NR3C2: variants seen among roughly 807,000 people sequenced by gnomAD.
NR3C2 encodes the protein mineralocorticoid receptor.
NR3C2 carries 15 observed loss-of-function variants against 86.4 expected under a neutral mutation model. The observed-to-expected ratio is 0.17, with a 90% CI of 0.12 to 0.27. The LOEUF is 0.27. Ranked by LOEUF, NR3C2 falls within the 10% of genes least tolerant of loss-of-function variation. The pLI, the probability that NR3C2 is intolerant of heterozygous loss-of-function variation, is 1.00. For synonymous variants in NR3C2, 458 were observed against 450.5 expected (o/e 1.02, Z -0.21); for missense variants, 960 against 1,195.6 (o/e 0.80, Z 2.91).
intron 2 of NR3C2, among the ~76,000 whole-genome samples, chr4:148,323,120 C>G (rs900589527): frequency 6.0e-5 from 9 of 149,448 alleles, no homozygotes; most frequent in African/African-American, 2.0e-4. Flanking sequence ...AGCTGCAGGT[C>G]TGTTGGAATA....
intron 1 of NR3C2, among the ~76,000 whole-genome samples, chr4:148,441,035 C>T (rs1750312811): frequency 6.6e-6 from 1 of 152,192 alleles, no homozygotes; most frequent in African/African-American, 2.4e-5. Flanking sequence ...TTCCCCACTA[C>T]ATAACTATTA....
chr4:148,379,005 T>A (rs1579227249), intron 2 of NR3C2, among the ~76,000 whole-genome samples: 1 of 152,138 alleles, frequency 6.6e-6, no homozygotes, highest in South Asian at 2.1e-4. Context: ...CAGCAAAAAC[T>A]TCAAAAGAAG....
intron 2 of NR3C2, among the ~76,000 whole-genome samples, chr4:148,410,548 C>T (rs762353566): frequency 8.5e-5 from 13 of 152,120 alleles, no homozygotes; most frequent in Non-Finnish European, 1.8e-4. Flanking sequence ...AGTTTAACTG[C>T]AGAAGCTTAA....
chr4:148,275,382 C>T (rs1348917914), intron 2 of NR3C2, among the ~76,000 whole-genome samples: 1 of 151,260 alleles, frequency 6.6e-6, no homozygotes, highest in East Asian at 1.9e-4. Flanking sequence ...GCAAAGAAGA[C>T]ATTATGAGGA....
intron 3 of NR3C2, among the ~76,000 whole-genome samples, chr4:148,203,660 C>G (rs1337151092): frequency 7.3e-6 from 1 of 136,826 alleles, no homozygotes; most frequent in South Asian, 2.8e-4. Flanking sequence ...CCTCCCCCCG[C>G]CCCGCCCCCG....
chr4:148,262,925 A>C lies in NR3C2; in HGVS notation c.1758-2808T>G, dbSNP rs573282785. 8.5e-5 allele frequency among the ~76,000 whole-genome samples: 13 copies of C among 152,128 alleles called. No homozygotes were observed. The South Asian group carries it at 1.0e-3, about 12-fold the overall frequency. ...CATATTCAGATTCTGATCAATCTCC[A>C]AACACTCCTCCAGCACCATCTACTT... On this transcript the variant is annotated intron_variant, in intron 2 of 8. Transcript: ENST00000358102.
At chr4:148,109,059 C>G (rs988641660) in intron 8 of NR3C2, among the ~76,000 whole-genome samples, 1 of 152,192 alleles carries the variant, frequency 6.6e-6, no homozygotes, top group Non-Finnish European at 1.5e-5. Context: ...CCGGAGCACT[C>G]AGCAGTGAGT....
rs1469375367 is a variant in NR3C2 at position 148,080,543 on chromosome 4, A to G, written c.*801T>C. Reference sequence around the variant, plus strand: ...TCAAAAATACTTTCCCATTCATCCTATTAACCATTAAAGATTTTTTTTGTA... The same window carrying G: ...TCAAAAATACTTTCCCATTCATCCTGTTAACCATTAAAGATTTTTTTTGTA... On this transcript the variant is annotated 3_prime_UTR_variant, in exon 9 of 9. Coordinates refer to ENST00000358102, the MANE Select transcript of NR3C2 (RefSeq NM_000901.5). 1 of 157,558 alleles carries G rather than the reference A, an allele frequency of 6.3e-6. No individual in the cohort carries two copies. The highest frequency in any genetic ancestry group is 2.4e-5 in the African/African-American group (1 of 41,620). The allele number at this position is 157,558 out of a possible 1,614,324, so 9.8% of individuals were successfully genotyped here.
intron 2 of NR3C2, among the ~76,000 whole-genome samples, chr4:148,311,799 C>A (rs1742914727): frequency 6.6e-6 from 1 of 152,240 alleles, no homozygotes; most frequent in South Asian, 2.1e-4. Flanking sequence ...ACCAGCCATG[C>A]TGGCCTCCTT....
chr4:148,152,033 T>C (rs61757900), intron 6 of NR3C2, among the ~76,000 whole-genome samples: 15 of 152,220 alleles, frequency 9.9e-5, no homozygotes, highest in Non-Finnish European at 2.1e-4. Context: ...TGAAAACACA[T>C]TGAGCAGCTG....
intron 6 of NR3C2, among the ~76,000 whole-genome samples, chr4:148,145,256 G>A (rs1321764625): frequency 1.3e-5 from 2 of 152,170 alleles, no homozygotes; most frequent in Admixed American, 1.3e-4. Context: ...CACCTTAAGT[G>A]AGCATGCATA....
rs139125120 is a variant in NR3C2 at position 148,153,578 on chromosome 4, T to C, written c.2366-965A>G. ...AGCTCCTCTTCAAAGAATCAGTCAG[T>C]GGAGCTTTCCCCAACTTTTACAGCT... is the stretch of plus-strand genomic sequence containing the variant. On this transcript the variant is annotated intron_variant, in intron 5 of 8. Transcript: ENST00000358102. 8.3e-4 allele frequency among the ~76,000 whole-genome samples: 127 copies of C among 152,346 alleles called. 2 individuals are homozygous for C. The East Asian group carries it at 0.021, about 25-fold the overall frequency.
In NR3C2 at chr4:148,109,013, T is replaced by G. The variant is rs1026380700; in HGVS notation, c.2799+5091A>C. On this transcript the variant is annotated intron_variant, in intron 8 of 8. Coordinates refer to ENST00000358102, the MANE Select transcript of NR3C2 (RefSeq NM_000901.5). ...CCAGCCTAAAAACGAGCAGCTGCTA[T>G]CAGCCACAAGTGTTCTCTCCTCATA... is the stretch of plus-strand genomic sequence containing the variant. Among the ~76,000 whole-genome samples the G allele has an allele frequency of 2.0e-5, 3 of 152,298 alleles. No individual in the cohort carries two copies. In the East Asian group the frequency reaches 5.8e-4, roughly 29 times the overall value.
intron 6 of NR3C2, among the ~76,000 whole-genome samples, chr4:148,122,654 G>A (rs111788167): frequency 0.032 from 4,876 of 152,232 alleles, 269 homozygotes; most frequent in African/African-American, 0.11. Context: ...CAGGGACCCC[G>A]AACGGAGGGA....
intron 2 of NR3C2, among the ~76,000 whole-genome samples, chr4:148,413,367 A>C (rs1274301779): frequency 2.0e-5 from 3 of 152,156 alleles, no homozygotes; most frequent in African/African-American, 7.2e-5. Context: ...TTGAGACTTA[A>C]AGAAAAATAG....
intron 2 of NR3C2, among the ~76,000 whole-genome samples, chr4:148,266,841 C>G (rs11735947): frequency 0.17 from 26,155 of 152,118 alleles, 3,003 homozygotes; most frequent in East Asian, 0.47. Flanking sequence ...GTGGTAAAGA[C>G]AGTGAGAAGT....
At chr4:148,318,079 T>C (rs1743313309) in intron 2 of NR3C2, among the ~76,000 whole-genome samples, 2 of 141,876 alleles carry the variant, frequency 1.4e-5, no homozygotes, top group Non-Finnish European at 3.0e-5. Flanking sequence ...CCTGTGTCCA[T>C]GTGATCTTAC....
chr4:148,144,030 C>T (rs993893847), intron 6 of NR3C2, among the ~76,000 whole-genome samples: 1 of 151,360 alleles, frequency 6.6e-6, no homozygotes, highest in Non-Finnish European at 1.5e-5. Flanking sequence ...AGTTAATACT[C>T]CCCTCTTAGG....
intron 8 of NR3C2, 57 bp downstream of exon 8, chr4:148,114,047 C>T: frequency 1.3e-6 from 2 of 1,597,698 alleles, no homozygotes; most frequent in Middle Eastern, 2.2e-4. Flanking sequence ...CTTTGGTCAG[C>T]AGTGTGTATG....
Sources: allele counts gnomAD v4.1 joint callset (sites outside exome capture counted in the v4.1 genomes callset), GRCh38; gene constraint gnomAD v4.1.1; transcripts MANE v1.5; gene names NCBI Gene and HGNC (gene_info 2026-07-23, HGNC 2026-07-21).